RYR2: variants seen among roughly 807,000 people sequenced by gnomAD.
The protein encoded by RYR2 is cardiac muscle ryanodine receptor-calcium release channel.
Under a neutral mutation model 601.1 loss-of-function variants are expected in RYR2, and 227 were observed. That is an observed-to-expected ratio of 0.38 (90% CI 0.34 to 0.42). RYR2 has a LOEUF of 0.42. RYR2 is among the 10% of genes least tolerant of loss of function. The pLI is 1.00. For synonymous variants in RYR2, 2,223 were observed against 2,175.1 expected, an observed-to-expected ratio of 1.02 and a Z score of -0.61; for missense variants, 4,646 against 6,156.5, an observed-to-expected ratio of 0.75 and a Z score of 8.21.
chr1:237,795,335 ATATTACTT>A lies in RYR2; in HGVS notation c.13956+5_13956+12del, dbSNP rs1658968813. The A allele has an allele frequency of 7.2e-7, 1 of 1,395,178 alleles. No homozygotes were observed. Among genetic ancestry groups the A allele is most frequent in the Non-Finnish European group, 9.9e-7 (1 of 1,011,394 alleles). 86.4% of individuals were successfully genotyped at this position (1,395,178 alleles called of 1,614,324 possible). On this transcript the variant is annotated splice_donor_5th_base_variant and intron_variant, in intron 96 of 104. Coordinates refer to ENST00000366574, the MANE Select transcript of RYR2 (RefSeq NM_001035.3). ...GGACAAATTTGTTAAAAGAAAGGTAATATTACTTGGAATCCTCTACATTTTTCTTAAAG... is the reference window on the plus strand; with the variant it reads ...GGACAAATTTGTTAAAAGAAAGGTAAGGAATCCTCTACATTTTTCTTAAAG...
At chr1:237,221,858 G>A (rs1300139682) in intron 1 of RYR2, among the ~76,000 whole-genome samples, 1 of 152,144 alleles carries the variant, frequency 6.6e-6, no homozygotes. Context: ...AGGGAAGGCT[G>A]TGTTGGCATT....
In RYR2 at chr1:237,456,657, G is replaced by C. The variant is rs748051922; in HGVS notation, c.1534G>C (p.Ala512Pro). 6.2e-7 allele frequency: 1 copy of C among 1,613,332 alleles called. No homozygotes were observed. Among genetic ancestry groups the C allele is most frequent in the Non-Finnish European group, 8.5e-7 (1 of 1,179,564 alleles). The stretch of plus-strand genomic sequence containing the variant: ...CCGTTTGCACGTCTACAGCAGTGCA[G>C]CACACTTTGCTGATGTTGCTGGGCG... ...IDRLHVYSSA[A>P]HFADVAGREA... Residue 512 changes from alanine to proline, a missense_variant, in exon 16 of 105, where the codon GCA becomes CCA. This residue lies in a region of RYR2 where 1,807 missense variants were observed against 2,088.1 expected (regional missense o/e 0.87). Transcript: ENST00000366574.
chr1:237,132,650 A>T (rs1672287661), intron 1 of RYR2, among the ~76,000 whole-genome samples: 1 of 152,236 alleles, frequency 6.6e-6, no homozygotes, highest in Admixed American at 6.5e-5. Context: ...ATGTGAGGAA[A>T]ATATGAAACC....
chr1:237,208,966 A>ATATATATATATATGTG (rs1682185720), intron 1 of RYR2, among the ~76,000 whole-genome samples: 4 of 105,900 alleles, frequency 3.8e-5, no homozygotes, highest in African/African-American at 1.3e-4. Context: ...ATATATATAT[A>ATATATATATATATGTG]TATATATATA....
chr1:237,298,752 C>T (rs995422787), intron 2 of RYR2, among the ~76,000 whole-genome samples: 3 of 152,070 alleles, frequency 2.0e-5, no homozygotes, highest in Admixed American at 6.5e-5. Flanking sequence ...ATAATCCCAG[C>T]ACTTTGGGGG....
intron 1 of RYR2, among the ~76,000 whole-genome samples, chr1:237,065,265 T>G (rs6671060): frequency 0.76 from 105,239 of 137,814 alleles, 41,207 homozygotes; most frequent in East Asian, 0.99. Context: ...TCTTGTGTGC[T>G]ATCCTTTTTT....
intron 63 of RYR2, among the ~76,000 whole-genome samples, chr1:237,697,598 A>ATT (rs199830480): frequency 1.5e-5 from 2 of 136,066 alleles, no homozygotes; most frequent in Admixed American, 7.7e-5. Context: ...TTGCTAAATG[A>ATT]TTTTTTTTTT....
intron 16 of RYR2, among the ~76,000 whole-genome samples, chr1:237,466,715 A>G (rs991675752): frequency 1.3e-5 from 2 of 151,930 alleles, no homozygotes; most frequent in South Asian, 4.1e-4. Context: ...TTTTTCACCC[A>G]ATTGCTTAGC....
intron 99 of RYR2, among the ~76,000 whole-genome samples, chr1:237,808,529 G>A (rs538744312): frequency 7.9e-5 from 12 of 151,834 alleles, no homozygotes; most frequent in African/African-American, 1.9e-4. Flanking sequence ...GTGTGGTGGC[G>A]CATGCCTATA....
intron 98 of RYR2, among the ~76,000 whole-genome samples, chr1:237,805,579 T>TTTTTTTTTTTTTTTTTTTGGGA (rs1558456137): frequency 1.4e-4 from 2 of 14,624 alleles, no homozygotes; most frequent in Non-Finnish European, 2.2e-4. Flanking sequence ...AGACTCTGTC[T>TTTTTTTTTTTTTTTTTTTGGGA]CAAAAAAAAA....
chr1:237,284,283 A>G (rs1346944041), intron 2 of RYR2, among the ~76,000 whole-genome samples: 2 of 126,624 alleles, frequency 1.6e-5, no homozygotes, highest in Non-Finnish European at 3.1e-5. Flanking sequence ...TGGGAGGCTG[A>G]GTAATGAGAA....
chr1:237,635,507 C>T (rs762166549), intron 44 of RYR2, among the ~76,000 whole-genome samples: 6 of 152,168 alleles, frequency 3.9e-5, no homozygotes, highest in Admixed American at 3.3e-4. Context: ...AAGCCGTGCA[C>T]TCTAAGGATA....
chr1:237,822,362 G>A (rs1435325078), intron 101 of RYR2, among the ~76,000 whole-genome samples: 1 of 152,194 alleles, frequency 6.6e-6, no homozygotes, highest in Non-Finnish European at 1.5e-5. Flanking sequence ...AGAAGAGAGT[G>A]GGGGCAAATA....
At chr1:237,205,756 C>T (rs1231095322) in intron 1 of RYR2, among the ~76,000 whole-genome samples, 3 of 152,328 alleles carry the variant, frequency 2.0e-5, no homozygotes, top group Admixed American at 6.5e-5. Context: ...GGCAAGGGCA[C>T]GGCTGGAGAC....
At chr1:237,483,227 A>G (rs923288708) in intron 17 of RYR2, among the ~76,000 whole-genome samples, 3 of 152,282 alleles carry the variant, frequency 2.0e-5, no homozygotes, top group African/African-American at 4.8e-5. Context: ...TCTTACGACT[A>G]TCATCACTGC....
chr1:237,311,055 T>G (rs1325858634), intron 2 of RYR2, among the ~76,000 whole-genome samples: 8 of 152,160 alleles, frequency 5.3e-5, no homozygotes, highest in African/African-American at 1.7e-4. Flanking sequence ...ACAGGCAGAG[T>G]AGGCACTAAT....
At chr1:237,284,036 G>A (rs528449797) in intron 2 of RYR2, among the ~76,000 whole-genome samples, 27 of 152,132 alleles carry the variant, frequency 1.8e-4, no homozygotes, top group Non-Finnish European at 3.7e-4. Context: ...ACATATCAGT[G>A]AGGACATACG....
chr1:237,363,408 C>T (rs1008802956), intron 4 of RYR2, among the ~76,000 whole-genome samples: 4 of 151,828 alleles, frequency 2.6e-5, no homozygotes, highest in African/African-American at 7.2e-5. Flanking sequence ...ACAGAATTTC[C>T]CTTTAATAAT....
At chr1:237,535,222 T>C (rs996463152) in intron 25 of RYR2, among the ~76,000 whole-genome samples, 2 of 151,658 alleles carry the variant, frequency 1.3e-5, no homozygotes, top group Non-Finnish European at 2.9e-5. Context: ...CGGGATGAAA[T>C]ATAAACACCA....
Sources: allele counts gnomAD v4.1 joint callset (sites outside exome capture counted in the v4.1 genomes callset), GRCh38; gene constraint gnomAD v4.1.1; regional missense constraint gnomAD v4.1.1; transcripts MANE v1.5; gene names NCBI Gene and HGNC (gene_info 2026-07-23, HGNC 2026-07-21).